The following ZYG11A variants were observed in gnomAD, a reference collection of about 807,000 sequenced individuals.
ZYG11A encodes zyg-11 family member A, cell cycle regulator, also known as protein zyg-11 homolog A.
In ZYG11A, 62 loss-of-function variants were observed where a neutral mutation model predicts 77.2. The observed-to-expected ratio is 0.80, with a 90% CI of 0.65 to 0.99. The LOEUF (loss-of-function observed/expected upper bound fraction) is 0.99, where lower values mean the gene tolerates loss of function less well. ZYG11A is among the 50% of genes least tolerant of loss of function. The probability of loss-of-function intolerance (pLI) is 0.00; values close to 1 mark genes in which losing one functional copy is unlikely to be tolerated. For missense variants in ZYG11A, 828 were observed against 896.8 expected (o/e 0.92, Z 0.98); for synonymous variants, 315 against 324.6 (o/e 0.97, Z 0.32).
chr1:52,873,816 T>C (rs566601763), intron 8 of ZYG11A, among the ~76,000 whole-genome samples: 2 of 152,040 alleles, frequency 1.3e-5, no homozygotes, highest in South Asian at 2.1e-4. Context: ...GAACCCCATC[T>C]CTACTAAAAC....
At chr1:52,846,358 A>C (rs1192554122) in intron 1 of ZYG11A, among the ~76,000 whole-genome samples, 8 of 87,958 alleles carry the variant, frequency 9.1e-5, no homozygotes, top group South Asian at 3.7e-4. Context: ...ATATATATAT[A>C]TATATATATT....
At chr1:52,892,568 C>G (rs1441738012) in intron 13 of ZYG11A, among the ~76,000 whole-genome samples, 1 of 151,810 alleles carries the variant, frequency 6.6e-6, no homozygotes, top group Non-Finnish European at 1.5e-5. Context: ...ATAGAGTTGT[C>G]TGGAAGTAAA....
At chr1:52,853,178 C>T (rs775737585) in intron 1 of ZYG11A, among the ~76,000 whole-genome samples, 5 of 152,208 alleles carry the variant, frequency 3.3e-5, no homozygotes, top group Non-Finnish European at 7.3e-5. Context: ...CTGCAGCTCA[C>T]TCTGCTGACC....
chr1:52,874,451 C>T (rs1006568963), intron 8 of ZYG11A, among the ~76,000 whole-genome samples: 30 of 151,898 alleles, frequency 2.0e-4, no homozygotes, highest in Admixed American at 9.2e-4. Flanking sequence ...AGAGTCTAGC[C>T]GTGTCACTCA....
chr1:52,860,654 CA>C, intron 3 of ZYG11A, 76 bp from the exon 4 acceptor site: 9 of 1,492,572 alleles, frequency 6.0e-6, no homozygotes, highest in East Asian at 2.5e-5. Context: ...CTGGATGCCC[CA>C]AAAACCCTGT....
chr1:52,851,823 C>G (rs1645717705), intron 1 of ZYG11A, among the ~76,000 whole-genome samples: 1 of 151,654 alleles, frequency 6.6e-6, no homozygotes, highest in Non-Finnish European at 1.5e-5. Flanking sequence ...TCTCAGCTCA[C>G]TGCAACCTCC....
At chr1:52,857,905 C>G (rs1645847299) in intron 3 of ZYG11A, among the ~76,000 whole-genome samples, 156 bp downstream of exon 3, 1 of 151,986 alleles carries the variant, frequency 6.6e-6, no homozygotes, top group Non-Finnish European at 1.5e-5. Flanking sequence ...TATGTACCTA[C>G]TATGTGGAAG....
At chr1:52,873,085 C>G in intron 8 of ZYG11A, among the ~76,000 whole-genome samples, 1 of 151,598 alleles carries the variant, frequency 6.6e-6, no homozygotes, top group Non-Finnish European at 1.5e-5. Context: ...TTTGGGAGGC[C>G]AAGGCGAGCA....
chr1:52,856,372 G>A (rs1645810329), intron 2 of ZYG11A, among the ~76,000 whole-genome samples: 1 of 149,914 alleles, frequency 6.7e-6, no homozygotes, highest in Non-Finnish European at 1.5e-5. Flanking sequence ...GCTGAGGCAA[G>A]GGAATCGCTT....
Position 52,893,594 on chromosome 1 carries a change from G to A in ZYG11A, c.*637G>A, listed in dbSNP as rs111589810. ...AGCCTTGCCAACGTGGTAAAACTCCGTCTCTACCAAAAAATACAAAAATTA... is the reference window on the plus strand; with the variant it reads ...AGCCTTGCCAACGTGGTAAAACTCCATCTCTACCAAAAAATACAAAAATTA... On this transcript the variant is annotated 3_prime_UTR_variant, in exon 14 of 14. Coordinates refer to ENST00000371528, the MANE Select transcript of ZYG11A (RefSeq NM_001004339.3). 6,709 of 151,946 alleles carry A rather than the reference G, an allele frequency of 0.044. 219 individuals are homozygous for A. Among genetic ancestry groups the A allele is most frequent in the East Asian group, 0.19 (966 of 5,092 alleles). The allele number at this position is 151,946 out of a possible 1,614,324, so 9.4% of individuals were successfully genotyped here. A position where few individuals can be genotyped will look rare whatever the true frequency, so the allele number is the denominator to read the frequency against.
chr1:52,883,315 G>A (rs906390032), intron 11 of ZYG11A, among the ~76,000 whole-genome samples: 3 of 151,836 alleles, frequency 2.0e-5, no homozygotes, highest in Non-Finnish European at 2.9e-5. Context: ...TAGTAGAGAC[G>A]ATTTCACCAT....
In ZYG11A at chr1:52,851,914, A is replaced by T. The variant is rs910320048; in HGVS notation, c.91-2551A>T. On this transcript the variant is annotated intron_variant, in intron 1 of 13. Coordinates refer to ENST00000371528, the MANE Select transcript of ZYG11A (RefSeq NM_001004339.3). ...AGGCACCCGCCACCATGCCTTCCTA[A>T]TTTTTTTTTTTTTTTTTAATGATGG... is the stretch of plus-strand genomic sequence containing the variant. 5.3e-3 allele frequency among the ~76,000 whole-genome samples: 669 copies of T among 126,600 alleles called. 7 individuals carry two copies. Among genetic ancestry groups the T allele is most frequent in the African/African-American group, 0.019 (644 of 33,406 alleles). 83.1% of individuals were successfully genotyped at this position (126,600 alleles called of 152,430 possible). A position where few individuals can be genotyped will look rare whatever the true frequency, so the allele number is the denominator to read the frequency against.
At chr1:52,883,429 A>T (rs1050495322) in intron 11 of ZYG11A, among the ~76,000 whole-genome samples, 6 of 147,698 alleles carry the variant, frequency 4.1e-5, no homozygotes, top group Admixed American at 1.4e-4. Flanking sequence ...TGGCCAATTT[A>T]AAAAAAAGAT....
intron 1 of ZYG11A, among the ~76,000 whole-genome samples, chr1:52,846,118 C>G (rs1187331623): frequency 6.6e-6 from 1 of 151,278 alleles, no homozygotes; most frequent in Non-Finnish European, 1.5e-5. Context: ...CTCTTTCTCT[C>G]CCTTTCTCCT....
intron 11 of ZYG11A, among the ~76,000 whole-genome samples, chr1:52,882,228 G>C (rs1453980329): frequency 6.6e-6 from 1 of 152,130 alleles, no homozygotes; most frequent in Admixed American, 6.5e-5. Context: ...TTATGCTGCT[G>C]TTCTTGACTT....
At chr1:52,885,405 C>T (rs1258235793) in intron 11 of ZYG11A, among the ~76,000 whole-genome samples, 1 of 150,062 alleles carries the variant, frequency 6.7e-6, no homozygotes, top group Non-Finnish European at 1.5e-5. Context: ...GGGGTTTCAC[C>T]GTGTTAGCCA....
At chr1:52,865,960 T>A (rs1282300241) in intron 5 of ZYG11A, among the ~76,000 whole-genome samples, 1 of 137,434 alleles carries the variant, frequency 7.3e-6, no homozygotes, top group Admixed American at 7.8e-5. Flanking sequence ...TTTTTTGAGA[T>A]GGAGTCTCGC....
At chr1:52,859,338 A>AT in intron 3 of ZYG11A, among the ~76,000 whole-genome samples, 1 of 150,238 alleles carries the variant, frequency 6.7e-6, no homozygotes, top group South Asian at 2.1e-4. Flanking sequence ...TGGGCTCTTT[A>AT]TTTTTTATTT....
At chr1:52,875,211 T>C (rs1646240191) in intron 8 of ZYG11A, among the ~76,000 whole-genome samples, 1 of 152,180 alleles carries the variant, frequency 6.6e-6, no homozygotes, top group Admixed American at 6.5e-5. Flanking sequence ...CCATTGGATT[T>C]GACAAGAGGA....
Sources: gnomAD v4.1 joint callset for allele counts (sites outside exome capture counted in the v4.1 genomes callset) on GRCh38, gnomAD v4.1.1 for gene constraint, MANE v1.5 for transcripts, NCBI Gene and HGNC (gene_info 2026-07-23, HGNC 2026-07-21) for gene names.